The following ZNF829 variants were observed in gnomAD, a reference collection of about 807,000 sequenced individuals.
The protein encoded by ZNF829 is zinc finger protein 829.
Under a neutral mutation model 35.2 loss-of-function variants are expected in ZNF829, and 25 were observed. That is an observed-to-expected ratio of 0.71 (90% CI 0.52 to 0.99). The LOEUF (loss-of-function observed/expected upper bound fraction) is 0.99, where lower values mean the gene tolerates loss of function less well. Among genes scored for constraint, ZNF829 ranks in the 50% least tolerant of loss-of-function variants. ZNF829 has a pLI of 0.00. For synonymous variants in ZNF829, 136 were observed against 163.2 expected (o/e 0.83, Z 1.27); for missense variants, 417 against 515.3 (o/e 0.81, Z 1.85).
At chr19:36,913,946 A>G (rs1354733518) in intron 3 of ZNF829, among the ~76,000 whole-genome samples, 1 of 152,180 alleles carries the variant, frequency 6.6e-6, no homozygotes, top group East Asian at 1.9e-4. Flanking sequence ...GTTCATAAAC[A>G]TACCCATGCA....
At chr19:36,911,752 T>C (rs2073266316) in intron 3 of ZNF829, among the ~76,000 whole-genome samples, 1 of 152,130 alleles carries the variant, frequency 6.6e-6, no homozygotes, top group Non-Finnish European at 1.5e-5. Flanking sequence ...CTCTGGAGCT[T>C]AGGGGGCACA....
At chr19:36,915,452 G>C (rs781389463) in intron 1 of ZNF829, among the ~76,000 whole-genome samples, 1 of 152,014 alleles carries the variant, frequency 6.6e-6, no homozygotes, top group Non-Finnish European at 1.5e-5. Flanking sequence ...ACAATCGTAG[G>C]CACCCCACAC....
chr19:36,913,583 A>G (rs1189407163), intron 3 of ZNF829, among the ~76,000 whole-genome samples: 1 of 152,178 alleles, frequency 6.6e-6, no homozygotes, highest in Admixed American at 6.5e-5. Context: ...TATAAGTATC[A>G]ACTCTAAAAA....
intron 5 of ZNF829, among the ~76,000 whole-genome samples, chr19:36,899,744 A>T (rs1397683437): frequency 1.4e-5 from 2 of 144,630 alleles, no homozygotes; most frequent in African/African-American, 5.1e-5. Context: ...GGTTTTAAGT[A>T]CTCTTACCCT....
At chr19:36,896,197 C>T (rs1370260261) in intron 5 of ZNF829, among the ~76,000 whole-genome samples, 1 of 151,642 alleles carries the variant, frequency 6.6e-6, no homozygotes, top group Non-Finnish European at 1.5e-5. Context: ...TGTAGTCCCA[C>T]CTACTCGGGA....
chr19:36,914,152 G>C (rs942208379), intron 3 of ZNF829, among the ~76,000 whole-genome samples: 1 of 152,058 alleles, frequency 6.6e-6, no homozygotes, highest in Admixed American at 6.6e-5. Flanking sequence ...AAATATAGGA[G>C]AGTATCTGCA....
intron 3 of ZNF829, among the ~76,000 whole-genome samples, chr19:36,910,749 G>A (rs2073257297): frequency 6.6e-6 from 1 of 152,152 alleles, no homozygotes; most frequent in Non-Finnish European, 1.5e-5. Flanking sequence ...GCTCATGCCT[G>A]TAATTCCAGC....
intron 4 of ZNF829, 35 bp downstream of exon 4, chr19:36,908,298 G>A (rs2073235510): frequency 1.3e-6 from 2 of 1,591,578 alleles, no homozygotes; most frequent in Non-Finnish European, 1.7e-6. Flanking sequence ...ACTTCCAAGG[G>A]CACACTCTGA....
At chr19:36,903,621 C>T (rs942882911) in intron 5 of ZNF829, among the ~76,000 whole-genome samples, 5 of 151,852 alleles carry the variant, frequency 3.3e-5, no homozygotes, top group East Asian at 1.9e-4. Flanking sequence ...TTGGGCACGG[C>T]GGCTCAGACC....
chr19:36,911,394 T>C (rs2073263359), intron 3 of ZNF829, among the ~76,000 whole-genome samples: 1 of 152,066 alleles, frequency 6.6e-6, no homozygotes, highest in African/African-American at 2.4e-5. Flanking sequence ...GTATTTTTAG[T>C]AGAGATGTGG....
chr19:36,901,209 G>C (rs2073162737), intron 5 of ZNF829, among the ~76,000 whole-genome samples: 1 of 152,222 alleles, frequency 6.6e-6, no homozygotes, highest in Non-Finnish European at 1.5e-5. Context: ...GCTGATACAT[G>C]CTACAACACG....
intron 5 of ZNF829, among the ~76,000 whole-genome samples, chr19:36,904,404 T>G (rs1342390341): frequency 6.6e-6 from 1 of 152,134 alleles, no homozygotes; most frequent in African/African-American, 2.4e-5. Context: ...TGTTTTTCTT[T>G]TTTCTCTTTT....
intron 1 of ZNF829, 139 bp from the exon 2 acceptor site, chr19:36,915,390 C>A (rs944686072): frequency 9.8e-7 from 1 of 1,015,694 alleles, no homozygotes; most frequent in Non-Finnish European, 1.4e-6. Context: ...CCACACACGG[C>A]AACACAGTTA....
At chr19:36,909,729 C>T (rs576166054) in intron 3 of ZNF829, among the ~76,000 whole-genome samples, 5 of 151,554 alleles carry the variant, frequency 3.3e-5, no homozygotes, top group Admixed American at 2.6e-4. Context: ...ATCACTTGAA[C>T]CTGGGAGGCG....
intron 3 of ZNF829, among the ~76,000 whole-genome samples, chr19:36,912,544 T>C (rs957462629): frequency 6.6e-6 from 1 of 152,222 alleles, no homozygotes; most frequent in Non-Finnish European, 1.5e-5. Flanking sequence ...TTTTTTTTCT[T>C]ATGTAAGTGT....
In ZNF829 at chr19:36,916,213, T is replaced by C. The variant is rs114064526; in HGVS notation, c.-287A>G. 2,427 of 440,932 alleles carry C rather than the reference T, an allele frequency of 5.5e-3. 52 individuals are homozygous for C. The highest frequency in any genetic ancestry group is 0.045 in the African/African-American group (2,196 of 49,162). 27.3% of individuals were successfully genotyped at this position (440,932 alleles called of 1,614,324 possible). On this transcript the variant is annotated 5_prime_UTR_variant, in exon 1 of 6. Coordinates refer to ENST00000391711, the MANE Select transcript of ZNF829 (RefSeq NM_001037232.4). The surrounding 1 kb of genome is among the most constrained non-coding windows in gnomAD (Gnocchi z 5.3). Reference sequence around the variant, plus strand: ...CGAGCCTCGGAGTTGCGGGTCGCCGTAGCGCTGCGCAATGGAGATGAGCCT... The same window carrying C: ...CGAGCCTCGGAGTTGCGGGTCGCCGCAGCGCTGCGCAATGGAGATGAGCCT...
At chr19:36,915,814 C>T in intron 1 of ZNF829, 197 bp downstream of exon 1, 3 of 1,520,460 alleles carry the variant, frequency 2.0e-6, no homozygotes, top group Non-Finnish European at 1.8e-6. Flanking sequence ...CCAGGATGGT[C>T]TCGATCTCTT....
intron 5 of ZNF829, among the ~76,000 whole-genome samples, chr19:36,902,899 G>A (rs1230831110): frequency 1.3e-5 from 2 of 151,974 alleles, no homozygotes; most frequent in African/African-American, 2.4e-5. Flanking sequence ...AGCTGGACAT[G>A]GTGGCGCACG....
rs376922609 is a variant in ZNF829, at chr19:36,891,603, A to G, written c.1188T>C (p.Thr396=). The change falls in exon 6 of 6, where the codon ACT becomes ACC. Residue 396 remains threonine (T), a synonymous_variant. Coordinates refer to ENST00000391711, the MANE Select transcript of ZNF829 (RefSeq NM_001037232.4). ...GKAFNKGSNL[T]RHQRIHTGEK... ...CACCAGTGTGAATTCTCTGATGTCGAGTAAGATTTGAGCCTTTATTAAAGG... is the reference window on the plus strand; with the variant it reads ...CACCAGTGTGAATTCTCTGATGTCGGGTAAGATTTGAGCCTTTATTAAAGG... 7 of 1,613,602 alleles carry G rather than the reference A, an allele frequency of 4.3e-6. No individual in the cohort carries two copies. In the African/African-American group the frequency reaches 6.7e-5, roughly 15 times the overall value.
Sources: allele counts gnomAD v4.1 joint callset (sites outside exome capture counted in the v4.1 genomes callset), GRCh38; gene constraint gnomAD v4.1.1; non-coding constraint Gnocchi (gnomAD v3.1); transcripts MANE v1.5; gene names NCBI Gene and HGNC (gene_info 2026-07-23, HGNC 2026-07-21).